The following SHANK2 variants were observed in gnomAD, a reference collection of about 807,000 sequenced individuals.
SHANK2 encodes SH3 and multiple ankyrin repeat domains 2.
Under a neutral mutation model 133.7 loss-of-function variants are expected in SHANK2, and 43 were observed. The ratio of observed to expected loss-of-function variants is 0.32; its 90% CI spans 0.25 to 0.41. The LOEUF (loss-of-function observed/expected upper bound fraction) is 0.41. Ranked by LOEUF, SHANK2 falls within the 10% of genes least tolerant of loss-of-function variation. The pLI is 1.00. For synonymous variants in SHANK2, 1,017 were observed against 952.8 expected (o/e 1.07, Z -1.24); for missense variants, 1,994 against 2,235.8 (o/e 0.89, Z 2.18).
intron 10 of SHANK2, among the ~76,000 whole-genome samples, chr11:70,938,481 G>A (rs1950600605): frequency 6.6e-6 from 1 of 152,168 alleles, no homozygotes; most frequent in African/African-American, 2.4e-5. Context: ...AAGACGGGAG[G>A]CACAGAGGCT....
At chr11:70,601,200 T>A (rs1554991004) in intron 17 of SHANK2, among the ~76,000 whole-genome samples, 1 of 148,580 alleles carries the variant, frequency 6.7e-6, no homozygotes, top group South Asian at 2.2e-4. Flanking sequence ...TATAGGTGCA[T>A]GCAACCACGC....
At chr11:70,482,098 C>T (rs1025538801) in intron 25 of SHANK2, among the ~76,000 whole-genome samples, 3 of 152,218 alleles carry the variant, frequency 2.0e-5, no homozygotes, top group Non-Finnish European at 2.9e-5. Context: ...GAAGCAAGGG[C>T]GAGGGAGAGG....
intron 2 of SHANK2, among the ~76,000 whole-genome samples, chr11:71,167,419 C>A (rs1396871749): frequency 3.1e-5 from 4 of 130,624 alleles, no homozygotes; most frequent in Admixed American, 7.7e-5. Context: ...GGGGGCTGAC[C>A]CCCCCCACCT....
chr11:70,692,872 G>A (rs531695808), intron 15 of SHANK2, among the ~76,000 whole-genome samples: 2 of 152,316 alleles, frequency 1.3e-5, no homozygotes, highest in South Asian at 4.1e-4. Flanking sequence ...GAGAAAACTG[G>A]TTTTCTCTAA....
chr11:71,074,999 C>T (rs906785071), intron 9 of SHANK2, among the ~76,000 whole-genome samples, 160 bp downstream of exon 9: 64 of 152,040 alleles, frequency 4.2e-4, no homozygotes, highest in Middle Eastern at 3.4e-3. Flanking sequence ...AGGATGGTCT[C>T]GATCTCCTGA....
intron 11 of SHANK2, among the ~76,000 whole-genome samples, chr11:70,883,166 C>T (rs188788431): frequency 3.9e-5 from 6 of 152,234 alleles, no homozygotes; most frequent in Non-Finnish European, 5.9e-5. Flanking sequence ...GCAGTGAAGG[C>T]GCCTCCCTAA....
intron 10 of SHANK2, among the ~76,000 whole-genome samples, chr11:70,910,429 C>G (rs1331772418): frequency 1.3e-5 from 2 of 152,192 alleles, no homozygotes; most frequent in Admixed American, 1.3e-4. Context: ...TCGATTGTCA[C>G]AGATGGACAC....
chr11:70,637,892 T>G (rs2061127197), intron 17 of SHANK2, among the ~76,000 whole-genome samples: 1 of 152,198 alleles, frequency 6.6e-6, no homozygotes, highest in African/African-American at 2.4e-5. Context: ...GTTTGGGGTC[T>G]GCGAGCTGCC....
At chr11:70,850,034 C>T (rs1949059715) in intron 11 of SHANK2, among the ~76,000 whole-genome samples, 1 of 152,126 alleles carries the variant, frequency 6.6e-6, no homozygotes, top group Admixed American at 6.5e-5. Flanking sequence ...CCCTCATCAT[C>T]CTACCCTCTG....
chr11:70,606,388 C>CA (rs1380675410), intron 17 of SHANK2, among the ~76,000 whole-genome samples: 1 of 150,700 alleles, frequency 6.6e-6, no homozygotes, highest in Non-Finnish European at 1.5e-5. Flanking sequence ...CCCATCTCTA[C>CA]AAAAAATAAA....
At chr11:70,768,099 C>A (rs1229519085) in intron 14 of SHANK2, among the ~76,000 whole-genome samples, 4 of 152,144 alleles carry the variant, frequency 2.6e-5, no homozygotes, top group Admixed American at 6.5e-5. Flanking sequence ...TTTCTTGGAG[C>A]CTGTTTCCTT....
At chr11:70,819,207 T>G (rs1462121439) in intron 12 of SHANK2, among the ~76,000 whole-genome samples, 2 of 152,030 alleles carry the variant, frequency 1.3e-5, no homozygotes, top group African/African-American at 4.8e-5. Flanking sequence ...TCTGAGGGAG[T>G]GCCAAGTCAC....
intron 17 of SHANK2, among the ~76,000 whole-genome samples, chr11:70,514,514 A>C (rs2059242435): frequency 1.3e-5 from 2 of 152,236 alleles, no homozygotes; most frequent in South Asian, 4.1e-4. Flanking sequence ...TTTAGGCAAA[A>C]ATAATACTGA....
chr11:71,118,745 GC>G lies in SHANK2; in HGVS notation c.411+83del, dbSNP rs1192176849. ...TCCCAATGCAAATGGAATTGGTCTC[GC>G]CCCACCACCATGTCTCCCCCACCCA... is the stretch of plus-strand genomic sequence containing the variant. On this transcript the variant is annotated intron_variant, in intron 4 of 25. Coordinates refer to ENST00000601538, the MANE Select transcript of SHANK2 (RefSeq NM_012309.5). The G allele has an allele frequency of 1.0e-5, 12 of 1,192,564 alleles. No individual in the cohort carries two copies. In the South Asian group the frequency reaches 1.5e-4, roughly 15 times the overall value. The allele number at this position is 1,192,564 out of a possible 1,614,324, so 73.9% of individuals were successfully genotyped here.
chr11:70,875,524 AAACAACAACAAC>A (rs71049946), intron 11 of SHANK2, among the ~76,000 whole-genome samples: 10 of 146,564 alleles, frequency 6.8e-5, no homozygotes, highest in African/African-American at 1.5e-4. Context: ...ACTCCGTCTC[AAACAACAACAAC>A]AACAACAACA....
intron 21 of SHANK2, among the ~76,000 whole-genome samples, chr11:70,495,578 C>A (rs782392574): frequency 6.6e-6 from 1 of 152,208 alleles, no homozygotes; most frequent in Non-Finnish European, 1.5e-5. Flanking sequence ...GTCTCCTGCA[C>A]CAGGGAGTTA....
intron 15 of SHANK2, among the ~76,000 whole-genome samples, chr11:70,674,904 T>G (rs782372201): frequency 6.6e-6 from 1 of 152,242 alleles, no homozygotes; most frequent in Non-Finnish European, 1.5e-5. Context: ...GCTCTAAATA[T>G]TCTAACGACA....
intron 10 of SHANK2, among the ~76,000 whole-genome samples, chr11:70,902,502 CA>C (rs1314164708): frequency 2.6e-5 from 4 of 152,236 alleles, no homozygotes. Flanking sequence ...GGCTGCCTCT[CA>C]GGGGGCTCCC....
At chr11:70,955,462 A>T (rs962539134) in intron 10 of SHANK2, among the ~76,000 whole-genome samples, 9 of 110,272 alleles carry the variant, frequency 8.2e-5, no homozygotes, top group African/African-American at 3.4e-4. Flanking sequence ...TGTGTGTGTG[A>T]ATGTACACAC....
Sources: gnomAD v4.1 joint callset for allele counts (sites outside exome capture counted in the v4.1 genomes callset) on GRCh38, gnomAD v4.1.1 for gene constraint, MANE v1.5 for transcripts, NCBI Gene and HGNC (gene_info 2026-07-23, HGNC 2026-07-21) for gene names.